Variants in AP1B1 observed in about 807,000 individuals in gnomAD.
AP1B1 encodes the protein adaptor related protein complex 1 subunit beta 1.
AP1B1 carries 36 observed loss-of-function variants against 104.3 expected under a neutral mutation model. The ratio of observed to expected loss-of-function variants is 0.35; its 90% confidence interval spans 0.26 to 0.46. The LOEUF is 0.46. Ranked by LOEUF, AP1B1 falls within the 20% of genes least tolerant of loss-of-function variation. The pLI, the probability that AP1B1 is intolerant of heterozygous loss-of-function variation, is 1.00. For synonymous variants in AP1B1, 504 were observed against 517.5 expected (o/e 0.97, Z 0.35); for missense variants, 901 against 1,247.9 (o/e 0.72, Z 4.19).
chr22:29,330,267 T>G (rs753268588), intron 21 of AP1B1, 111 bp downstream of exon 21: 1 of 1,539,758 alleles, frequency 6.5e-7, no homozygotes, highest in East Asian at 2.4e-5. Flanking sequence ...CTGATTCTAG[T>G]TCAAGCCAGG....
intron 11 of AP1B1, among the ~76,000 whole-genome samples, chr22:29,346,983 G>A (rs974101398): frequency 1.3e-5 from 2 of 152,178 alleles, no homozygotes; most frequent in African/African-American, 4.8e-5. Flanking sequence ...GCCAACCAGA[G>A]TCACAGTGCC....
Position 29,328,659 on chromosome 22 carries a change from C to A in AP1B1, c.*162G>T. The A allele has an allele frequency of 3.5e-6, 3 of 847,666 alleles. No individual in the cohort carries two copies. The highest frequency in any genetic ancestry group is 5.4e-6 in the Non-Finnish European group (3 of 558,272). The allele number at this position is 847,666 out of a possible 1,614,324, so 52.5% of individuals were successfully genotyped here. A position where few individuals can be genotyped will look rare whatever the true frequency, so the allele number is the denominator to read the frequency against. On this transcript the variant is annotated 3_prime_UTR_variant, in exon 23 of 23. Transcript: ENST00000357586. This position sits in a 1 kb window ranked among gnomAD's most constrained non-coding sequence, Gnocchi z 4.1. ...GCTCTCACCCCAGGAGGGGGTGGTG[C>A]CCTACCCCAGGGATCGGGTGGGTTC...
In AP1B1 at chr22:29,351,403, A is replaced by T. The variant is rs545383945; in HGVS notation, c.1060-137T>A. On this transcript the variant is annotated intron_variant, in intron 8 of 22. Transcript: ENST00000357586. ...CTGCTCCAGGTAGAAGGCCCAAGGG[A>T]GAGAGCTGGCAGGTGCCTGAAAAGG... is the stretch of plus-strand genomic sequence containing the variant. 1.2e-4 allele frequency: 134 copies of T among 1,075,868 alleles called. No homozygotes were observed. In the African/African-American group the frequency reaches 1.9e-3, roughly 16 times the overall value. The allele number at this position is 1,075,868 out of a possible 1,614,324, so 66.6% of individuals were successfully genotyped here.
intron 14 of AP1B1, 127 bp from the exon 15 acceptor site, chr22:29,339,901 G>C: frequency 9.5e-7 from 1 of 1,051,842 alleles, no homozygotes; most frequent in Non-Finnish European, 1.4e-6. Flanking sequence ...AGCTCCATCC[G>C]AGAGGAGTGT....
rs371599328 is a variant in AP1B1, at chr22:29,387,123, C to G, written c.-28+1301G>C. 1.3e-4 allele frequency among the ~76,000 whole-genome samples: 20 copies of G among 152,278 alleles called. No homozygotes were observed. In the East Asian group the frequency reaches 2.3e-3, roughly 18 times the overall value. Reference sequence around the variant, plus strand: ...CACGGATAGCCTGTTTTGTGTCTCACTGTTCCCTAAAGTCAGGAAAATCTT... The same window carrying G: ...CACGGATAGCCTGTTTTGTGTCTCAGTGTTCCCTAAAGTCAGGAAAATCTT... On this transcript the variant is annotated intron_variant, in intron 1 of 22. Transcript: ENST00000357586.
At position 29,339,826 on chromosome 22, in the gene AP1B1, A is replaced by G. The variant is rs529338327; in HGVS notation, c.1999-52T>C. ...AGAACAGGCAGCCACATGCAGAGAG[A>G]AAAAGCCAGGAAGGAAGACAGAGAA... On this transcript the variant is annotated intron_variant, in intron 14 of 22. Coordinates refer to ENST00000357586, the MANE Select transcript of AP1B1 (RefSeq NM_001127.4). 27 of 1,575,954 alleles carry G rather than the reference A, an allele frequency of 1.7e-5. No homozygotes were observed. The African/African-American group carries it at 3.4e-4, about 20-fold the overall frequency.
chr22:29,329,758 C>CA, intron 21 of AP1B1, 38 bp from the exon 22 acceptor site: 1 of 1,612,876 alleles, frequency 6.2e-7, no homozygotes, highest in East Asian at 2.2e-5. Context: ...TGACATGCAG[C>CA]AACCAAACAC....
rs193025151 is a variant in AP1B1, at chr22:29,379,350, G to A, written c.-28+9074C>T. Among the ~76,000 whole-genome samples the A allele has an allele frequency of 2.0e-5, 3 of 152,188 alleles. No individual in the cohort carries two copies. In the East Asian group the frequency reaches 5.8e-4, roughly 29 times the overall value. On this transcript the variant is annotated intron_variant, in intron 1 of 22. Transcript: ENST00000357586. ...TCTCAAAAAAAGAAAAAGTTCCTCT[G>A]GACTTGAAAATAAAGTAAGTAAGGC... is the stretch of plus-strand genomic sequence containing the variant.
chr22:29,357,352 G>C (rs984432695), intron 5 of AP1B1, among the ~76,000 whole-genome samples: 7 of 151,850 alleles, frequency 4.6e-5, no homozygotes, highest in African/African-American at 1.7e-4. Flanking sequence ...ATAGGCGTGA[G>C]CCACTGCACA....
chr22:29,351,436 G>T (rs1357032392), intron 8 of AP1B1, 170 bp from the exon 9 acceptor site: 8 of 897,942 alleles, frequency 8.9e-6, no homozygotes, highest in Non-Finnish European at 1.4e-5. Flanking sequence ...AGGAAAGAAG[G>T]CCTGGACAAC....
intron 2 of AP1B1, among the ~76,000 whole-genome samples, chr22:29,365,436 G>A (rs1465049902): frequency 6.6e-6 from 1 of 152,028 alleles, no homozygotes; most frequent in Non-Finnish European, 1.5e-5. Context: ...AGGCTGCAGT[G>A]AGCAGAGATC....
At chr22:29,369,079 C>T (rs767127187) in intron 1 of AP1B1, among the ~76,000 whole-genome samples, 33 of 152,136 alleles carry the variant, frequency 2.2e-4, no homozygotes, top group Non-Finnish European at 4.1e-4. Flanking sequence ...TCTTTTGTTG[C>T]GTCTATGGAA....
rs376740274 is a variant in AP1B1, at chr22:29,339,070, T to G, written c.2083A>C (p.Ile695Leu). The G allele has an allele frequency of 6.2e-7, 1 of 1,614,092 alleles. No homozygotes were observed. The highest frequency in any genetic ancestry group is 1.3e-5 in the African/African-American group (1 of 74,936). ...AAVPANLGAP[I>L]GSGLSDLFDL... Reference sequence around the variant, plus strand: ...AAGAGGTCACTCAGGCCACTGCCGATGGGTGCTCCAAGATTGGCTGGTACT... The same window carrying G: ...AAGAGGTCACTCAGGCCACTGCCGAGGGGTGCTCCAAGATTGGCTGGTACT... The change falls in exon 16 of 23, where the codon ATC becomes CTC. Residue 695 changes from isoleucine to leucine, a missense_variant. Ile to Leu is a conservative substitution (Grantham distance 5, BLOSUM62 2). Transcript: ENST00000357586.
At position 29,341,653 on chromosome 22, in the gene AP1B1, G is replaced by A; in HGVS notation, c.1644C>T (p.Ile548=). The A allele has an allele frequency of 6.2e-7, 1 of 1,614,248 alleles. No homozygotes were observed. The stretch of plus-strand genomic sequence containing the variant: ...GCTCGATGAGGTCCGTCTCTTCAGA[G>A]ATGAGTGGCTTCTCAGCCAACACCA... ...KEVVLAEKPL[I]SEETDLIEPT... is the part of the protein sequence containing the mutation. The change falls in exon 13 of 23, where the codon ATC becomes ATT. Residue 548 remains isoleucine, a synonymous_variant. Coordinates refer to ENST00000357586, the MANE Select transcript of AP1B1 (RefSeq NM_001127.4).
chr22:29,340,882 G>C (rs770832378), intron 13 of AP1B1, 25 bp from the exon 14 acceptor site: 2 of 1,571,604 alleles, frequency 1.3e-6, no homozygotes, highest in Non-Finnish European at 1.7e-6. Flanking sequence ...AAGTAGGGTG[G>C]AGGCATCAGG....
chr22:29,351,557 C>T, intron 8 of AP1B1, 148 bp downstream of exon 8: 2 of 1,093,980 alleles, frequency 1.8e-6, no homozygotes, highest in Admixed American at 2.8e-5. Context: ...CTTTTACTTG[C>T]TTACGAAGCC....
intron 4 of AP1B1, 109 bp from the exon 5 acceptor site, chr22:29,359,080 T>C (rs1481314696): frequency 2.7e-6 from 3 of 1,122,556 alleles, no homozygotes; most frequent in South Asian, 3.1e-5. Context: ...CGACATCAGA[T>C]GGCTGCTGTG....
intron 7 of AP1B1, among the ~76,000 whole-genome samples, chr22:29,353,655 C>T (rs2061911605): frequency 6.6e-6 from 1 of 152,090 alleles, no homozygotes; most frequent in Admixed American, 6.6e-5. Context: ...CTGGGTCCCC[C>T]GGGAGAGTAC....
intron 1 of AP1B1, among the ~76,000 whole-genome samples, chr22:29,381,088 C>A (rs1317669771): frequency 6.6e-6 from 1 of 152,220 alleles, no homozygotes; most frequent in Non-Finnish European, 1.5e-5. Context: ...TTTGCCCGTG[C>A]TATTCACTTT....
Sources: allele counts gnomAD v4.1 joint callset (sites outside exome capture counted in the v4.1 genomes callset), GRCh38; gene constraint gnomAD v4.1.1; non-coding constraint Gnocchi (gnomAD v3.1); transcripts MANE v1.5; gene names NCBI Gene and HGNC (gene_info 2026-07-23, HGNC 2026-07-21).